MROH2A: variants seen among roughly 807,000 people sequenced by gnomAD.
MROH2A encodes the protein maestro heat like repeat family member 2A.
MROH2A carries 174 observed loss-of-function variants against 200.4 expected under a neutral mutation model. That is an observed-to-expected ratio of 0.87 (90% CI 0.77 to 0.98). The LOEUF (loss-of-function observed/expected upper bound fraction) is 0.98. Among genes scored for constraint, MROH2A ranks in the 50% least tolerant of loss-of-function variants. MROH2A has a pLI of 0.00. For missense variants in MROH2A, 2,045 were observed against 2,139.6 expected, an observed-to-expected ratio of 0.96 and a Z score of 0.87; for synonymous variants, 829 against 840.4, an observed-to-expected ratio of 0.99 and a Z score of 0.23.
At chr2:233,801,391 G>A (rs1328792524) in intron 14 of MROH2A, among the ~76,000 whole-genome samples, 6 of 152,148 alleles carry the variant, frequency 3.9e-5, no homozygotes, top group Non-Finnish European at 8.8e-5. Context: ...AGGAGATGGT[G>A]GGGTGAAGTT....
chr2:233,800,925 T>C (rs1702431603), intron 14 of MROH2A, among the ~76,000 whole-genome samples: 1 of 152,214 alleles, frequency 6.6e-6, no homozygotes, highest in African/African-American at 2.4e-5. Context: ...ATGATCCCTG[T>C]CCAGCGACAG....
chr2:233,792,821 C>T lies in MROH2A; in HGVS notation c.597C>T (p.Gly199=). Residue 199 remains glycine (G), a synonymous_variant, in exon 6 of 42, where the codon GGC becomes GGT. Coordinates refer to ENST00000389758, the MANE Select transcript of MROH2A (RefSeq NM_001394639.1). ...TGTTTGAGTTCATGCCATACATGGG[C>T]ATCACCCTGGCTACCATATTCACCA... ...GNVFEFMPYM[G]ITLATIFTML... 6.5e-7 allele frequency: 1 copy of T among 1,549,782 alleles called. No homozygotes were observed. The highest frequency in any genetic ancestry group is 8.7e-7 in the Non-Finnish European group (1 of 1,146,290).
At chr2:233,793,534 G>C (rs985624108) in intron 6 of MROH2A, 139 bp from the exon 7 acceptor site, 7 of 685,656 alleles carry the variant, frequency 1.0e-5, no homozygotes, top group African/African-American at 1.9e-5. Context: ...AAGGTGCTGT[G>C]GGGGGTTGGA....
intron 13 of MROH2A, 96 bp from the exon 14 acceptor site, chr2:233,800,109 G>T: frequency 9.2e-7 from 1 of 1,083,048 alleles, no homozygotes; most frequent in Non-Finnish European, 1.3e-6. Context: ...CTCAGTATCT[G>T]GGCATGGAGC....
intron 35 of MROH2A, among the ~76,000 whole-genome samples, chr2:233,827,234 A>G (rs1466916475): frequency 2.6e-5 from 4 of 152,360 alleles, no homozygotes; most frequent in Middle Eastern, 3.4e-3. Context: ...ATATACCCAA[A>G]GGAATATAAT....
Position 233,832,590 on chromosome 2 carries a change from A to C in MROH2A, c.4849A>C (p.Lys1617Gln). ...AACNLAGIIM[K>Q]QMSTHYLKKL... Reference sequence around the variant, plus strand: ...GGCTATTGTTTTAGGAATTATTATGAAGCAGATGTCTACACATTATCTGAA... The same window carrying C: ...GGCTATTGTTTTAGGAATTATTATGCAGCAGATGTCTACACATTATCTGAA... Residue 1617 changes from lysine (K) to glutamine (Q), a missense_variant, in exon 41 of 42, where the codon AAG becomes CAG. This residue lies in a region of MROH2A where 1,201 missense variants were observed against 1,311.3 expected (regional missense o/e 0.92). Transcript: ENST00000389758. The C allele has an allele frequency of 1.9e-6, 3 of 1,548,958 alleles. No homozygotes were observed. The highest frequency in any genetic ancestry group is 2.6e-6 in the Non-Finnish European group (3 of 1,145,524).
Position 233,800,300 on chromosome 2 carries a change from C to T in MROH2A, c.1545C>T (p.Val515=). The stretch of plus-strand genomic sequence containing the variant: ...CTGTGAAGATCATTACCTCTTCTGT[C>T]AGTGGGATGACCACCGTGAGTGGGC... ...MDTVKIITSS[V]SGMTTEFWVR... is the part of the protein sequence containing the mutation. Residue 515 remains valine (V), a synonymous_variant, in exon 14 of 42, where the codon GTC becomes GTT. Coordinates refer to ENST00000389758, the MANE Select transcript of MROH2A (RefSeq NM_001394639.1). 6.5e-7 allele frequency: 1 copy of T among 1,547,938 alleles called. No individual in the cohort carries two copies. Among genetic ancestry groups the T allele is most frequent in the Non-Finnish European group, 8.7e-7 (1 of 1,145,458 alleles).
chr2:233,778,683 ACC>A (rs1194312357), intron 1 of MROH2A, among the ~76,000 whole-genome samples: 109 of 152,222 alleles, frequency 7.2e-4, no homozygotes, highest in African/African-American at 2.5e-3. Flanking sequence ...TGTTGAGAGA[ACC>A]CCTTAAAGGA....
rs28900422 is a variant in MROH2A at position 233,789,782 on chromosome 2, T to C, written c.409-70T>C. 2.3e-3 allele frequency: 3,386 copies of C among 1,501,140 alleles called. 81 individuals are homozygous for C. The African/African-American group carries it at 0.042, about 19-fold the overall frequency. The allele number at this position is 1,501,140 out of a possible 1,614,324, so 93.0% of individuals were successfully genotyped here. A position where few individuals can be genotyped will look rare whatever the true frequency, so the allele number is the denominator to read the frequency against. On this transcript the variant is annotated intron_variant, in intron 4 of 41. Transcript: ENST00000389758. ...GGAACCAGGAGGGGTGGAGAGAGCC[T>C]GGGGTAGGAAGGTTTTCCTGGAGGC...
rs1411428853 is a variant in MROH2A at position 233,823,508 on chromosome 2, G to A, written c.4005-48G>A. Reference sequence around the variant, plus strand: ...CTGCCCAGCTCTTGGCAAACGTCAGGCAGGGGTGGGGCCGCCTCCACGACC... The same window carrying A: ...CTGCCCAGCTCTTGGCAAACGTCAGACAGGGGTGGGGCCGCCTCCACGACC... On this transcript the variant is annotated intron_variant, in intron 34 of 41. Coordinates refer to ENST00000389758, the MANE Select transcript of MROH2A (RefSeq NM_001394639.1). 3 of 1,529,044 alleles carry A rather than the reference G, an allele frequency of 2.0e-6. No homozygotes were observed. The East Asian group carries it at 7.4e-5, about 38-fold the overall frequency. 94.7% of individuals were successfully genotyped at this position (1,529,044 alleles called of 1,614,324 possible).
chr2:233,823,465 C>G, intron 34 of MROH2A, 91 bp from the exon 35 acceptor site: 1 of 1,441,952 alleles, frequency 6.9e-7, no homozygotes, highest in Non-Finnish European at 9.3e-7. Context: ...CCACCAGGGT[C>G]CAGGCACCGA....
At chr2:233,821,974 G>C in intron 31 of MROH2A, 150 bp from the exon 32 acceptor site, 1 of 859,588 alleles carries the variant, frequency 1.2e-6, no homozygotes, top group Middle Eastern at 3.5e-4. Flanking sequence ...TTCTAAGCAC[G>C]CAAATTTTGG....
chr2:233,827,450 C>T (rs1193324146), intron 35 of MROH2A, among the ~76,000 whole-genome samples: 1 of 152,152 alleles, frequency 6.6e-6, no homozygotes, highest in Non-Finnish European at 1.5e-5. Context: ...AAGTCATTAT[C>T]CTCAGCAAAC....
chr2:233,794,439 T>C lies in MROH2A; in HGVS notation c.899T>C (p.Val300Ala). Reference protein sequence around the residue: ...LLPNDDLREQVYDYIPLLLAE... With the variant: ...LLPNDDLREQAYDYIPLLLAE... ...CCCAACGATGACCTGCGGGAGCAGG[T>C]CTACGACTACATCCCCCTGCTGCTG... Residue 300 changes from valine (V) to alanine (A), a missense_variant, in exon 8 of 42, where the codon GTC (valine) becomes GCC (alanine). By Grantham distance (64) the Val-to-Ala change is moderately conservative. Transcript: ENST00000389758. 2 of 1,550,000 alleles carry C rather than the reference T, an allele frequency of 1.3e-6. No individual in the cohort carries two copies. Among genetic ancestry groups the C allele is most frequent in the Non-Finnish European group, 1.7e-6 (2 of 1,146,626 alleles).
At position 233,786,504 on chromosome 2, in the gene MROH2A, C is replaced by A. The variant is rs17863806; in HGVS notation, c.277-2993C>A. Among the ~76,000 whole-genome samples, 646 of 152,340 alleles carry A rather than the reference C, an allele frequency of 4.2e-3. 1 individual carries two copies. Among genetic ancestry groups the A allele is most frequent in the Middle Eastern group, 0.01 (3 of 294 alleles). On this transcript the variant is annotated intron_variant, in intron 3 of 41. Transcript: ENST00000389758. ...TGTGACTTCATTCAACCCTAATTAC[C>A]TTTCGAAGGGCTCATCTCCAAATAC...
At chr2:233,812,822 G>T (rs1703255244) in intron 24 of MROH2A, among the ~76,000 whole-genome samples, 1 of 152,228 alleles carries the variant, frequency 6.6e-6, no homozygotes, top group Non-Finnish European at 1.5e-5. Flanking sequence ...GAGCTATCAA[G>T]AGGCTTGGTG....
chr2:233,812,505 T>G (rs547398288), intron 24 of MROH2A, among the ~76,000 whole-genome samples: 3 of 152,348 alleles, frequency 2.0e-5, no homozygotes, highest in East Asian at 3.9e-4. Flanking sequence ...GATTCATTAC[T>G]TAGGCGCATA....
chr2:233,811,757 A>C, intron 23 of MROH2A, 123 bp from the exon 24 acceptor site: 1 of 696,178 alleles, frequency 1.4e-6, no homozygotes, highest in East Asian at 2.8e-5. Context: ...CCCTAAAAAG[A>C]ATGAAAGAGA....
intron 17 of MROH2A, 71 bp downstream of exon 17, chr2:233,804,263 G>A: frequency 6.5e-7 from 1 of 1,526,834 alleles, no homozygotes; most frequent in South Asian, 1.2e-5. Flanking sequence ...CTAATCACAT[G>A]ACTTGAATAA....
Sources: allele counts gnomAD v4.1 joint callset (sites outside exome capture counted in the v4.1 genomes callset), GRCh38; gene constraint gnomAD v4.1.1; regional missense constraint gnomAD v4.1.1; transcripts MANE v1.5; gene names NCBI Gene and HGNC (gene_info 2026-07-23, HGNC 2026-07-21).